CNGB3: variants seen among roughly 807,000 people sequenced by gnomAD.
The protein encoded by CNGB3 is cyclic nucleotide gated channel subunit beta 3, also known as cyclic nucleotide-gated channel beta-3.
CNGB3 carries 86 observed loss-of-function variants against 92.8 expected under a neutral mutation model. The ratio of observed to expected loss-of-function variants is 0.93; its 90% CI spans 0.78 to 1.11. CNGB3 has a LOEUF of 1.11. Among genes scored for constraint, CNGB3 ranks in the 50% least tolerant of loss-of-function variants. The probability of loss-of-function intolerance (pLI) is 0.00; values close to 1 mark genes in which losing one functional copy is unlikely to be tolerated. For missense variants in CNGB3, 1,026 were observed against 956.8 expected, an observed-to-expected ratio of 1.07 and a Z score of -0.95; for synonymous variants, 333 against 332.7, an observed-to-expected ratio of 1.00 and a Z score of -0.01.
chr8:86,597,044 A>G (rs1045132481), intron 15 of CNGB3, among the ~76,000 whole-genome samples: 4 of 151,326 alleles, frequency 2.6e-5, no homozygotes, highest in African/African-American at 9.7e-5. Flanking sequence ...GGTCTGGGGG[A>G]GGGATAGCAT....
intron 3 of CNGB3, among the ~76,000 whole-genome samples, chr8:86,698,718 T>G (rs1028926177): frequency 5.3e-5 from 8 of 152,080 alleles, no homozygotes; most frequent in African/African-American, 1.9e-4. Flanking sequence ...AGGGGTAGTT[T>G]GTTAGAGAGG....
At chr8:86,651,359 T>C (rs1017505218) in intron 7 of CNGB3, among the ~76,000 whole-genome samples, 1 of 151,968 alleles carries the variant, frequency 6.6e-6, no homozygotes, top group Admixed American at 6.6e-5. Context: ...TGAACAAGAA[T>C]AGGGACTTCT....
intron 14 of CNGB3, among the ~76,000 whole-genome samples, chr8:86,609,729 G>A (rs759849158): frequency 1.5e-4 from 23 of 152,160 alleles, no homozygotes; most frequent in Admixed American, 5.9e-4. Context: ...TGACTTTGTC[G>A]TTCACCACAG....
intron 12 of CNGB3, among the ~76,000 whole-genome samples, chr8:86,626,505 C>T (rs565044085): frequency 6.6e-6 from 1 of 152,254 alleles, no homozygotes; most frequent in South Asian, 2.1e-4. Context: ...GGAGAGCTTA[C>T]AGAGCTCTGT....
At chr8:86,579,539 C>A (rs936335226) in intron 15 of CNGB3, among the ~76,000 whole-genome samples, 1 of 152,254 alleles carries the variant, frequency 6.6e-6, no homozygotes, top group East Asian at 1.9e-4. Context: ...AATGCAGAAT[C>A]CTTTTGGACT....
intron 15 of CNGB3, chr8:86,593,919 AG>A: frequency 1.7e-6 from 1 of 573,820 alleles, no homozygotes; most frequent in Admixed American, 2.2e-5. Flanking sequence ...CCTGTGTGCC[AG>A]GGGCAGAAGG....
At chr8:86,604,932 C>G (rs937279361) in intron 14 of CNGB3, among the ~76,000 whole-genome samples, 1 of 152,072 alleles carries the variant, frequency 6.6e-6, no homozygotes, top group Non-Finnish European at 1.5e-5. Context: ...TGATGTGTAC[C>G]TTGTACATAG....
intron 3 of CNGB3, among the ~76,000 whole-genome samples, chr8:86,716,249 A>G (rs13270215): frequency 0.19 from 28,582 of 152,124 alleles, 3,339 homozygotes; most frequent in South Asian, 0.3. Flanking sequence ...ACCAAAGAAT[A>G]ATTGGTGTTC....
At chr8:86,728,406 A>AC (rs1299433844) in intron 2 of CNGB3, among the ~76,000 whole-genome samples, 2 of 84,802 alleles carry the variant, frequency 2.4e-5, no homozygotes, top group African/African-American at 1.6e-4. Context: ...CTTTTGATAA[A>AC]AAAAGAGAGA....
At chr8:86,605,022 C>G (rs899978300) in intron 14 of CNGB3, among the ~76,000 whole-genome samples, 3 of 152,118 alleles carry the variant, frequency 2.0e-5, no homozygotes, top group African/African-American at 4.8e-5. Context: ...ATATGAGCTT[C>G]CACCGGTGGA....
At chr8:86,697,725 T>A (rs1333046187) in intron 3 of CNGB3, among the ~76,000 whole-genome samples, 2 of 152,226 alleles carry the variant, frequency 1.3e-5, no homozygotes, top group African/African-American at 4.8e-5. Context: ...ATGTGCCATG[T>A]TGGTGTGCTG....
chr8:86,672,843 A>C (rs1224680680), intron 3 of CNGB3, among the ~76,000 whole-genome samples: 1 of 152,240 alleles, frequency 6.6e-6, no homozygotes, highest in Non-Finnish European at 1.5e-5. Context: ...GTCCTGTCTC[A>C]GAATCAAGAT....
chr8:86,644,597 C>T (rs1196066394), intron 9 of CNGB3, 25 bp downstream of exon 9: 2 of 1,598,486 alleles, frequency 1.3e-6, no homozygotes, highest in Non-Finnish European at 1.7e-6. Context: ...TCCCCTTCCC[C>T]CAAGTATACT....
intron 13 of CNGB3, among the ~76,000 whole-genome samples, chr8:86,617,996 C>G (rs1158484385): frequency 6.6e-6 from 1 of 152,124 alleles, no homozygotes; most frequent in Non-Finnish European, 1.5e-5. Context: ...AGCTTGTTTA[C>G]CTGCAACTAG....
intron 3 of CNGB3, among the ~76,000 whole-genome samples, chr8:86,700,519 A>G (rs315965): frequency 0.2 from 29,971 of 152,206 alleles, 3,229 homozygotes; most frequent in Middle Eastern, 0.37. Flanking sequence ...TAACGAGATT[A>G]AATTGTTTAA....
Position 86,739,683 on chromosome 8 carries a change from C to T in CNGB3, c.183G>A (p.Thr61=), listed in dbSNP as rs767130603. Residue 61 remains threonine, a synonymous_variant, in exon 2 of 18, where the codon ACG becomes ACA. Coordinates refer to ENST00000320005, the MANE Select transcript of CNGB3 (RefSeq NM_019098.5). Reference sequence around the variant, plus strand: ...GTATGTTGGTGTGTGGCTCTTCAGACGTGACTGGAGTTGACTTGGTTTTGA... The same window carrying T: ...GTATGTTGGTGTGTGGCTCTTCAGATGTGACTGGAGTTGACTTGGTTTTGA... ...KSLKTKSTPV[T]SEEPHTNIQD... is the part of the protein sequence containing the mutation. 66 of 1,604,284 alleles carry T rather than the reference C, an allele frequency of 4.1e-5. No individual in the cohort carries two copies. The highest frequency in any genetic ancestry group is 5.0e-5 in the Non-Finnish European group (59 of 1,176,540).
chr8:86,666,795 G>C (rs998358052), intron 6 of CNGB3, 130 bp downstream of exon 6: 16 of 773,136 alleles, frequency 2.1e-5, no homozygotes, highest in African/African-American at 2.1e-4. Context: ...TGTTATTATT[G>C]CTCATGACTT....
chr8:86,579,118 A>T lies in CNGB3; in HGVS notation c.1916T>A (p.Met639Lys). The T allele has an allele frequency of 6.2e-7, 1 of 1,614,144 alleles. No individual in the cohort carries two copies. Among genetic ancestry groups the T allele is most frequent in the African/African-American group, 1.3e-5 (1 of 75,046 alleles). The change falls in exon 16 of 18, where the codon ATG becomes AAG. Residue 639 changes from methionine (M) to lysine (K), a missense_variant. By Grantham distance (95) the Met-to-Lys change is moderately conservative. Coordinates refer to ENST00000320005, the MANE Select transcript of CNGB3 (RefSeq NM_019098.5). The stretch of plus-strand genomic sequence containing the variant: ...TTAAAGGTTGTACCTGGCTTTCTTC[A>T]TGAGGATCCTTTCAGAATCTGGATA... ...VHYPDSERIL[M>K]KKARVLLKQK...
At chr8:86,660,460 G>T in intron 6 of CNGB3, 1 of 513,560 alleles carries the variant, frequency 1.9e-6, no homozygotes, top group South Asian at 1.5e-5. Context: ...CAAGCCCATT[G>T]GTCAATGAGA....
Sources: gnomAD v4.1 joint callset for allele counts (sites outside exome capture counted in the v4.1 genomes callset) on GRCh38, gnomAD v4.1.1 for gene constraint, MANE v1.5 for transcripts, NCBI Gene and HGNC (gene_info 2026-07-23, HGNC 2026-07-21) for gene names.